Variants in BBOX1 observed in about 807,000 individuals in gnomAD.
BBOX1 encodes the protein gamma-butyrobetaine dioxygenase.
In BBOX1, 35 loss-of-function variants were observed where a neutral mutation model predicts 41.6. The observed-to-expected ratio is 0.84, with a 90% CI of 0.64 to 1.11. The LOEUF (loss-of-function observed/expected upper bound fraction) is 1.11. Ranked by LOEUF, BBOX1 falls within the 50% of genes most tolerant of loss-of-function variation. BBOX1 has a pLI of 0.00. For missense variants in BBOX1, 458 were observed against 460.6 expected (o/e 0.99, Z 0.05); for synonymous variants, 163 against 154.7 (o/e 1.05, Z -0.40).
chr11:27,113,704 A>G (rs1383516321), intron 5 of BBOX1, among the ~76,000 whole-genome samples: 1 of 151,768 alleles, frequency 6.6e-6, no homozygotes, highest in Non-Finnish European at 1.5e-5. Flanking sequence ...CCTACTGGCT[A>G]CTATATATAT....
rs149815069 is a variant in BBOX1, at chr11:27,111,140, C to T, written c.534-4312C>T. 7.1e-4 allele frequency among the ~76,000 whole-genome samples: 108 copies of T among 151,540 alleles called. 1 individual carries two copies. The East Asian group carries it at 0.015, about 21-fold the overall frequency. On this transcript the variant is annotated intron_variant, in intron 5 of 8. Transcript: ENST00000263182. ...CAATAAAATTAATCATTTTGTGGTA[C>T]ATAGACACCATGGAATACTACACAA...
rs565572782 is a variant in BBOX1, at chr11:27,097,093, A to G, written c.533+3727A>G. ...GTAGGTAAAGAAATTCTCATTGTCA[A>G]TTTTGTCAAATACATGTAAACATGG... On this transcript the variant is annotated intron_variant, in intron 5 of 8. Transcript: ENST00000263182. Among the ~76,000 whole-genome samples the G allele has an allele frequency of 2.0e-5, 3 of 152,138 alleles. No individual in the cohort carries two copies. In the East Asian group the frequency reaches 5.8e-4, roughly 29 times the overall value.
rs750982836 is a variant in BBOX1 at position 27,055,607 on chromosome 11, T to C, written c.177T>C (p.Asp59=). The change falls in exon 3 of 9, where the codon GAT becomes GAC. Residue 59 remains aspartate (D), a synonymous_variant. Coordinates refer to ENST00000263182, the MANE Select transcript of BBOX1 (RefSeq NM_003986.3). ...GGAAACTTCTAGTGGAAGCTCTTGA[T>C]GTGAACATTGGAATTAAAGGCTTGA... is the stretch of plus-strand genomic sequence containing the variant. ...KARKLLVEAL[D]VNIGIKGLIF... is the part of the protein sequence containing the mutation. The C allele has an allele frequency of 1.9e-6, 3 of 1,614,166 alleles. No individual in the cohort carries two copies. Among genetic ancestry groups the C allele is most frequent in the Non-Finnish European group, 2.5e-6 (3 of 1,180,008 alleles).
In BBOX1 at chr11:27,125,848, CA is replaced by C. The variant is rs772779491; in HGVS notation, c.1003+32del. 13 of 1,590,012 alleles carry C rather than the reference CA, an allele frequency of 8.2e-6. No homozygotes were observed. In the South Asian group the frequency reaches 1.5e-4, roughly 18 times the overall value. ...CAGTGAATACATTTTCTCAAATAAC[CA>C]AAAGCATGGATTTTCTTCAACCTTA... is the stretch of plus-strand genomic sequence containing the variant. On this transcript the variant is annotated intron_variant, in intron 8 of 8. Coordinates refer to ENST00000263182, the MANE Select transcript of BBOX1 (RefSeq NM_003986.3).
Position 27,127,560 on chromosome 11 carries a change from C to A in BBOX1, c.*107C>A. On this transcript the variant is annotated 3_prime_UTR_variant, in exon 9 of 9. Coordinates refer to ENST00000263182, the MANE Select transcript of BBOX1 (RefSeq NM_003986.3). ...TGTGATTTACATATAATTTCCTTAA[C>A]AATGAACATGTAACTTCTCTCACAA... The A allele has an allele frequency of 3.9e-6, 5 of 1,274,686 alleles. No homozygotes were observed. Among genetic ancestry groups the A allele is most frequent in the Non-Finnish European group, 5.4e-6 (5 of 931,424 alleles). The allele number at this position is 1,274,686 out of a possible 1,614,324, so 79.0% of individuals were successfully genotyped here.
intron 4 of BBOX1, among the ~76,000 whole-genome samples, chr11:27,058,310 C>T (rs1590172207): frequency 2.0e-5 from 3 of 152,294 alleles, no homozygotes; most frequent in South Asian, 2.1e-4. Context: ...GCCTGCAAAA[C>T]CATGAGCCAA....
intron 5 of BBOX1, among the ~76,000 whole-genome samples, chr11:27,093,662 ATTAT>A (rs921097587): frequency 1.4e-5 from 2 of 138,528 alleles, no homozygotes; most frequent in African/African-American, 3.2e-5. Flanking sequence ...ACAGCAGAAA[ATTAT>A]TTATTTGTTT....
At chr11:27,053,363 G>A (rs911504550) in intron 2 of BBOX1, among the ~76,000 whole-genome samples, 4 of 152,150 alleles carry the variant, frequency 2.6e-5, no homozygotes, top group Non-Finnish European at 4.4e-5. Flanking sequence ...CTGCCTGGGG[G>A]CAAAATGTCG....
At chr11:27,105,180 G>T (rs1415315281) in intron 5 of BBOX1, among the ~76,000 whole-genome samples, 2 of 152,162 alleles carry the variant, frequency 1.3e-5, no homozygotes, top group African/African-American at 4.8e-5. Flanking sequence ...AAAAATCAGA[G>T]CACCTCTTCC....
intron 4 of BBOX1, among the ~76,000 whole-genome samples, chr11:27,073,862 A>G (rs1214960508): frequency 2.0e-5 from 3 of 151,922 alleles, no homozygotes; most frequent in Non-Finnish European, 4.4e-5. Flanking sequence ...GAACTGAACA[A>G]TGAGAACACT....
intron 4 of BBOX1, among the ~76,000 whole-genome samples, chr11:27,061,802 GA>G (rs1857141040): frequency 6.6e-6 from 1 of 152,094 alleles, no homozygotes; most frequent in Non-Finnish European, 1.5e-5. Context: ...TAGCTGAAAG[GA>G]AGACACGGAT....
intron 4 of BBOX1, among the ~76,000 whole-genome samples, chr11:27,079,039 C>T (rs563914870): frequency 6.6e-5 from 10 of 152,148 alleles, no homozygotes; most frequent in South Asian, 4.2e-4. Flanking sequence ...AGCAAAGGCA[C>T]GTTAAAGAAC....
At chr11:27,054,189 CTG>C (rs1361791130) in intron 2 of BBOX1, among the ~76,000 whole-genome samples, 4 of 118,090 alleles carry the variant, frequency 3.4e-5, no homozygotes, top group African/African-American at 1.2e-4. Flanking sequence ...ATTTTATAAG[CTG>C]TGTGTGTGTG....
intron 4 of BBOX1, among the ~76,000 whole-genome samples, chr11:27,076,546 G>A (rs1295427810): frequency 6.6e-6 from 1 of 152,196 alleles, no homozygotes; most frequent in African/African-American, 2.4e-5. Context: ...AGCACCAGCT[G>A]TGTTAGTAGC....
chr11:27,099,233 T>C (rs1172987327), intron 5 of BBOX1, among the ~76,000 whole-genome samples: 4 of 151,934 alleles, frequency 2.6e-5, no homozygotes, highest in African/African-American at 9.7e-5. Context: ...ATCCTTCTTT[T>C]CAGAACTGAG....
intron 5 of BBOX1, among the ~76,000 whole-genome samples, chr11:27,103,378 T>A (rs1858737385): frequency 6.6e-6 from 1 of 152,134 alleles, no homozygotes; most frequent in Admixed American, 6.6e-5. Flanking sequence ...TTTTTTAGTA[T>A]CTATTCTGTT....
At chr11:27,053,040 C>CA (rs1856862966) in intron 2 of BBOX1, among the ~76,000 whole-genome samples, 1 of 152,096 alleles carries the variant, frequency 6.6e-6, no homozygotes, top group Non-Finnish European at 1.5e-5. Context: ...AGAAAGCTGA[C>CA]AAAATATTTC....
At chr11:27,047,367 GA>G (rs1851517572) in intron 2 of BBOX1, 1 of 152,204 alleles carries the variant, frequency 6.6e-6, no homozygotes, top group African/African-American at 2.4e-5. Flanking sequence ...ACAGCAGTCT[GA>G]AATGTAATTA....
At chr11:27,080,173 G>C (rs771392258) in intron 4 of BBOX1, among the ~76,000 whole-genome samples, 4 of 152,022 alleles carry the variant, frequency 2.6e-5, no homozygotes, top group African/African-American at 7.2e-5. Context: ...ACAAAAATTA[G>C]GCTGATAGAA....
Sources: gnomAD v4.1 joint callset for allele counts (sites outside exome capture counted in the v4.1 genomes callset) on GRCh38, gnomAD v4.1.1 for gene constraint, MANE v1.5 for transcripts, NCBI Gene and HGNC (gene_info 2026-07-23, HGNC 2026-07-21) for gene names.